Variants in SREBF2 observed in about 807,000 individuals in gnomAD.
SREBF2 encodes sterol regulatory element-binding protein 2.
SREBF2 carries 55 observed loss-of-function variants against 113.1 expected under a neutral mutation model. The observed-to-expected ratio is 0.49, with a 90% CI of 0.39 to 0.61. The LOEUF (loss-of-function observed/expected upper bound fraction) is 0.61. Among genes scored for constraint, SREBF2 ranks in the 20% least tolerant of loss-of-function variants. The pLI, the probability that SREBF2 is intolerant of heterozygous loss-of-function variation, is 0.00. For synonymous variants in SREBF2, 593 were observed against 605.7 expected (o/e 0.98, Z 0.31); for missense variants, 1,349 against 1,487.4 (o/e 0.91, Z 1.53).
chr22:41,854,047 AAAAG>A (rs1398574864), intron 1 of SREBF2, among the ~76,000 whole-genome samples: 4 of 151,626 alleles, frequency 2.6e-5, no homozygotes, highest in Non-Finnish European at 4.4e-5. Flanking sequence ...AAAAAAAAAA[AAAAG>A]AAGAAAGCAT....
chr22:41,867,354 A>G, intron 2 of SREBF2, 74 bp downstream of exon 2: 4 of 1,516,442 alleles, frequency 2.6e-6, no homozygotes, highest in Non-Finnish European at 3.6e-6. Flanking sequence ...CACTGTAAAT[A>G]TTTCTGTCGT....
In SREBF2 at chr22:41,893,244, C is replaced by A; in HGVS notation, c.2336C>A (p.Ser779Ter). Residue 779 changes from serine to a stop codon, truncating the protein, a stop_gained, in exon 12 of 19, where the codon TCA becomes TAA. Coordinates refer to ENST00000361204, the MANE Select transcript of SREBF2 (RefSeq NM_004599.4). LOFTEE classifies it high-confidence loss of function. ...FFMERSWSVK[S>*]AAKESLYCAQ... The stretch of plus-strand genomic sequence containing the variant: ...ATGGAGCGGAGCTGGTCTGTGAAGT[C>A]AGCTGCCAAGGAGAGTCTATACTGT... The A allele has an allele frequency of 6.2e-7, 1 of 1,614,176 alleles. No individual in the cohort carries two copies. Among genetic ancestry groups the A allele is most frequent in the Non-Finnish European group, 8.5e-7 (1 of 1,180,032 alleles).
chr22:41,850,416 A>C (rs1602277443), intron 1 of SREBF2, among the ~76,000 whole-genome samples: 1 of 150,546 alleles, frequency 6.6e-6, no homozygotes, highest in African/African-American at 2.4e-5. Context: ...GTGCCACTGC[A>C]CTCCAGCCTG....
At position 41,870,982 on chromosome 22, in the gene SREBF2, C is replaced by G; in HGVS notation, c.814C>G (p.Pro272Ala). 6.2e-6 allele frequency: 10 copies of G among 1,614,100 alleles called. No individual in the cohort carries two copies. The highest frequency in any genetic ancestry group is 8.5e-6 in the Non-Finnish European group (10 of 1,180,016). Reference sequence around the variant, plus strand: ...CCCTGTTATGGCTGCGGTCCAGAACCCGGCCCTCACCGCCCTCACCACCCC... The same window carrying G: ...CCCTGTTATGGCTGCGGTCCAGAACGCGGCCCTCACCGCCCTCACCACCCC... Reference protein sequence around the residue: ...GSPVMAAVQNPALTALTTPIQ... With the variant: ...GSPVMAAVQNAALTALTTPIQ... The change falls in exon 4 of 19, where the codon CCG becomes GCG. Residue 272 changes from proline (P) to alanine (A), a missense_variant. This residue lies in a region of SREBF2 where 699 missense variants were observed against 843.3 expected (regional missense o/e 0.83). Coordinates refer to ENST00000361204, the MANE Select transcript of SREBF2 (RefSeq NM_004599.4).
At chr22:41,887,305 A>C (rs2148404558) in intron 11 of SREBF2, among the ~76,000 whole-genome samples, 1 of 152,316 alleles carries the variant, frequency 6.6e-6, no homozygotes, top group South Asian at 2.1e-4. Context: ...GAGTAAACAC[A>C]CCCTTATAGC....
chr22:41,904,485 C>T, intron 17 of SREBF2: 1 of 468,662 alleles, frequency 2.1e-6, no homozygotes, highest in Middle Eastern at 3.3e-4. Context: ...CCCAACTGTC[C>T]CTCCTCACCC....
intron 9 of SREBF2, 104 bp from the exon 10 acceptor site, chr22:41,880,612 C>T (rs2077235977): frequency 2.8e-6 from 4 of 1,431,694 alleles, no homozygotes; most frequent in East Asian, 2.3e-5. Flanking sequence ...TATGAGTGTG[C>T]ACTAATTCCT....
Position 41,905,742 on chromosome 22 carries a change from G to A in SREBF2, c.*82G>A. ...GCATCTTCCCGCTGAGAGTGGTGGG[G>A]AAGAGCCTTGTCTTCTTAGCTGTCA... On this transcript the variant is annotated 3_prime_UTR_variant, in exon 19 of 19. Transcript: ENST00000361204. 1.4e-6 allele frequency: 2 copies of A among 1,445,120 alleles called. No homozygotes were observed. Among genetic ancestry groups the A allele is most frequent in the Non-Finnish European group, 1.9e-6 (2 of 1,051,382 alleles). 89.5% of individuals were successfully genotyped at this position (1,445,120 alleles called of 1,614,324 possible).
At chr22:41,837,415 G>A (rs937772040) in intron 1 of SREBF2, among the ~76,000 whole-genome samples, 1 of 151,690 alleles carries the variant, frequency 6.6e-6, no homozygotes, top group Admixed American at 6.6e-5. Flanking sequence ...AAAATTAGCC[G>A]GGCATGGTGG....
At chr22:41,894,132 C>T (rs2077389611) in intron 12 of SREBF2, among the ~76,000 whole-genome samples, 1 of 152,178 alleles carries the variant, frequency 6.6e-6, no homozygotes. Flanking sequence ...TTCTCAGTGG[C>T]TTTGTCATCT....
intron 2 of SREBF2, among the ~76,000 whole-genome samples, chr22:41,867,886 C>T (rs907050764): frequency 6.6e-6 from 1 of 152,150 alleles, no homozygotes. Flanking sequence ...TTGAATAAGG[C>T]TTGAAATTGG....
intron 1 of SREBF2, among the ~76,000 whole-genome samples, chr22:41,859,800 T>C (rs1182969077): frequency 2.3e-4 from 11 of 48,004 alleles, no homozygotes; most frequent in South Asian, 8.1e-4. Context: ...ATGGTGATTC[T>C]TTTTTTTTTT....
At chr22:41,860,631 C>T (rs1242172601) in intron 1 of SREBF2, among the ~76,000 whole-genome samples, 2 of 152,188 alleles carry the variant, frequency 1.3e-5, no homozygotes, top group Non-Finnish European at 2.9e-5. Flanking sequence ...GTAATCCCAG[C>T]ACTTTGGGAG....
At chr22:41,850,045 C>G (rs1371248203) in intron 1 of SREBF2, among the ~76,000 whole-genome samples, 1 of 151,974 alleles carries the variant, frequency 6.6e-6, no homozygotes, top group South Asian at 2.1e-4. Context: ...GAGGCTGAGG[C>G]GAGAGAATCG....
chr22:41,879,968 TG>T (rs200869521), intron 9 of SREBF2, among the ~76,000 whole-genome samples: 1,910 of 152,186 alleles, frequency 0.013, 45 homozygotes, highest in African/African-American at 0.043. Flanking sequence ...CACACTGAGG[TG>T]GGGGGATTGC....
intron 1 of SREBF2, among the ~76,000 whole-genome samples, chr22:41,860,644 C>G (rs1267392755): frequency 6.6e-6 from 1 of 152,046 alleles, no homozygotes; most frequent in Non-Finnish European, 1.5e-5. Context: ...TTTGGGAGGC[C>G]AAGTCAAGAG....
At chr22:41,879,885 G>A (rs1334878272) in intron 9 of SREBF2, among the ~76,000 whole-genome samples, 1 of 152,170 alleles carries the variant, frequency 6.6e-6, no homozygotes, top group African/African-American at 2.4e-5. Context: ...CTAGAGTAGG[G>A]TAGTTTAGCT....
At chr22:41,895,410 C>T (rs969075189) in intron 13 of SREBF2, among the ~76,000 whole-genome samples, 14 of 145,578 alleles carry the variant, frequency 9.6e-5, no homozygotes, top group East Asian at 6.4e-4. Context: ...GGATTACAGG[C>T]GTGAGCCACC....
intron 1 of SREBF2, among the ~76,000 whole-genome samples, chr22:41,861,075 C>T (rs777224927): frequency 2.6e-5 from 4 of 152,176 alleles, no homozygotes; most frequent in African/African-American, 7.2e-5. Context: ...GAACAGGGTG[C>T]AAAGTAGCAT....
Sources: allele counts gnomAD v4.1 joint callset (sites outside exome capture counted in the v4.1 genomes callset), GRCh38; gene constraint gnomAD v4.1.1; regional missense constraint gnomAD v4.1.1; transcripts MANE v1.5; gene names NCBI Gene and HGNC (gene_info 2026-07-23, HGNC 2026-07-21).